The following KLHL29 variants were observed in gnomAD, a reference collection of about 807,000 sequenced individuals.
KLHL29 encodes the protein kelch like family member 29, also known as kelch-like protein 29.
In KLHL29, 21 loss-of-function variants were observed where a neutral mutation model predicts 80.4. That is an observed-to-expected ratio of 0.26 (90% confidence interval 0.19 to 0.38). KLHL29 has a LOEUF of 0.38. KLHL29 is among the 10% of genes least tolerant of loss of function. The pLI is 1.00. For synonymous variants in KLHL29, 511 were observed against 526.8 expected (o/e 0.97, Z 0.41); for missense variants, 867 against 1,223.9 (o/e 0.71, Z 4.35).
intron 1 of KLHL29, among the ~76,000 whole-genome samples, chr2:23,391,022 T>C (rs1666309868): frequency 6.6e-6 from 1 of 152,232 alleles, no homozygotes; most frequent in Non-Finnish European, 1.5e-5. Context: ...CTTGCAGAAC[T>C]GAAAGTCTAT....
At chr2:23,555,682 G>A (rs186547958) in intron 2 of KLHL29, among the ~76,000 whole-genome samples, 5 of 152,312 alleles carry the variant, frequency 3.3e-5, no homozygotes, top group South Asian at 2.1e-4. Flanking sequence ...GTGAGCCCAC[G>A]CCTCATCCCT....
intron 1 of KLHL29, among the ~76,000 whole-genome samples, chr2:23,387,232 A>C (rs1458896290): frequency 1.3e-5 from 2 of 152,232 alleles, no homozygotes; most frequent in African/African-American, 4.8e-5. Context: ...CCACTTCGGC[A>C]GCTCAGCGGC....
chr2:23,443,636 A>C (rs1408307906), intron 1 of KLHL29, among the ~76,000 whole-genome samples: 1 of 152,178 alleles, frequency 6.6e-6, no homozygotes, highest in Admixed American at 6.5e-5. Flanking sequence ...GTAAATTGAA[A>C]GTTATATTCA....
At chr2:23,473,632 C>T (rs1664556342) in intron 1 of KLHL29, among the ~76,000 whole-genome samples, 1 of 152,124 alleles carries the variant, frequency 6.6e-6, no homozygotes, top group South Asian at 2.1e-4. Flanking sequence ...CTAGCCTATT[C>T]CATATTCATT....
chr2:23,592,525 G>A (rs550139398), intron 3 of KLHL29, among the ~76,000 whole-genome samples: 1 of 152,266 alleles, frequency 6.6e-6, no homozygotes, highest in African/African-American at 2.4e-5. Context: ...CAGGCCGGGG[G>A]CCTCTCCAGG....
At chr2:23,679,932 G>A (rs139934638) in intron 5 of KLHL29, among the ~76,000 whole-genome samples, 1 of 152,338 alleles carries the variant, frequency 6.6e-6, no homozygotes, top group Non-Finnish European at 1.5e-5. Flanking sequence ...GTGGGGACGT[G>A]TGTGGGGTGC....
intron 5 of KLHL29, among the ~76,000 whole-genome samples, chr2:23,660,333 G>C (rs1044395192): frequency 6.6e-6 from 1 of 152,180 alleles, no homozygotes; most frequent in Non-Finnish European, 1.5e-5. Context: ...TGTCTCTTCT[G>C]ATTTACACAG....
At chr2:23,393,044 A>G (rs192461902) in intron 1 of KLHL29, among the ~76,000 whole-genome samples, 106 of 152,356 alleles carry the variant, frequency 7.0e-4, no homozygotes, top group Non-Finnish European at 1.4e-3. Flanking sequence ...TAGTAAATAA[A>G]TAGCAAATCA....
chr2:23,478,232 C>T (rs979089740), intron 2 of KLHL29, among the ~76,000 whole-genome samples: 1 of 152,194 alleles, frequency 6.6e-6, no homozygotes, highest in East Asian at 1.9e-4. Flanking sequence ...AAACAAATCA[C>T]TACGTGCAGC....
At chr2:23,478,550 G>A (rs1313599767) in intron 2 of KLHL29, among the ~76,000 whole-genome samples, 1 of 152,206 alleles carries the variant, frequency 6.6e-6, no homozygotes, top group African/African-American at 2.4e-5. Flanking sequence ...ACTGGAACCA[G>A]CTAGGAGGAG....
At chr2:23,474,824 T>C (rs1200072840) in intron 1 of KLHL29, among the ~76,000 whole-genome samples, 1 of 152,190 alleles carries the variant, frequency 6.6e-6, no homozygotes, top group East Asian at 1.9e-4. Context: ...TTGATAATGA[T>C]ATATTTGGTT....
intron 2 of KLHL29, among the ~76,000 whole-genome samples, chr2:23,478,191 C>T (rs1664688564): frequency 6.6e-6 from 1 of 152,184 alleles, no homozygotes; most frequent in Admixed American, 6.5e-5. Flanking sequence ...CTCCCTCTGC[C>T]ACTCATACCA....
chr2:23,653,045 G>A (rs757062696), intron 5 of KLHL29, among the ~76,000 whole-genome samples: 2 of 152,242 alleles, frequency 1.3e-5, no homozygotes, highest in South Asian at 2.1e-4. Flanking sequence ...AGCCGTGCAC[G>A]CTGAAGCAAC....
chr2:23,479,438 T>C (rs1446626546), intron 2 of KLHL29, among the ~76,000 whole-genome samples: 2 of 152,088 alleles, frequency 1.3e-5, no homozygotes, highest in Non-Finnish European at 2.9e-5. Flanking sequence ...TCCTGCTTCC[T>C]GTCCATCTTG....
At position 23,505,311 on chromosome 2, in the gene KLHL29, C is replaced by T. The variant is rs961253062; in HGVS notation, c.-46+29644C>T. Among the ~76,000 whole-genome samples, 3 of 152,302 alleles carry T rather than the reference C, an allele frequency of 2.0e-5. No individual in the cohort carries two copies. The East Asian group carries it at 5.8e-4, about 29-fold the overall frequency. On this transcript the variant is annotated intron_variant, in intron 2 of 13. Transcript: ENST00000486442. ...GTCCCCTGGACCCTAGCAGCTGCCT[C>T]CCCGACCTCCGTGGAGGTGTTCTCT...
intron 2 of KLHL29, among the ~76,000 whole-genome samples, chr2:23,536,574 C>T (rs1428162818): frequency 6.6e-6 from 1 of 152,208 alleles, no homozygotes; most frequent in African/African-American, 2.4e-5. Context: ...GGCAACCCTT[C>T]CCATGCTCAG....
intron 2 of KLHL29, among the ~76,000 whole-genome samples, chr2:23,488,531 G>A (rs111972275): frequency 6.6e-6 from 1 of 152,226 alleles, no homozygotes; most frequent in African/African-American, 2.4e-5. Context: ...GGAAGGAGAG[G>A]CCTGATGGGT....
At chr2:23,416,152 A>G (rs974248289) in intron 1 of KLHL29, among the ~76,000 whole-genome samples, 1 of 152,034 alleles carries the variant, frequency 6.6e-6, no homozygotes, top group African/African-American at 2.4e-5. Flanking sequence ...AGTCTTGTGT[A>G]TTTCTTCTCT....
intron 2 of KLHL29, among the ~76,000 whole-genome samples, chr2:23,487,090 T>C (rs572620054): frequency 4.9e-4 from 74 of 152,316 alleles, no homozygotes; most frequent in South Asian, 1.0e-3. Flanking sequence ...ATCTGTATGA[T>C]GTGAGAGCTC....
Sources: allele counts gnomAD v4.1 joint callset (sites outside exome capture counted in the v4.1 genomes callset), GRCh38; gene constraint gnomAD v4.1.1; transcripts MANE v1.5; gene names NCBI Gene and HGNC (gene_info 2026-07-23, HGNC 2026-07-21).